Variants in OPA3 observed in about 807,000 individuals in gnomAD.
OPA3 encodes optic atrophy 3 protein.
A neutral mutation model predicts 4.0 loss-of-function variants in OPA3; 6 were observed. The observed-to-expected ratio is 1.51, with a 90% CI of 0.83 to 2.99. OPA3 has a LOEUF of 2.99. Ranked by LOEUF, OPA3 falls within the 30% of genes most tolerant of loss-of-function variation. The pLI is 0.00. For missense variants in OPA3, 235 were observed against 256.2 expected (o/e 0.92, Z 0.56); for synonymous variants, 105 against 117.1 (o/e 0.90, Z 0.67).
intron 1 of OPA3, among the ~76,000 whole-genome samples, chr19:45,576,187 T>C (rs188515230): frequency 6.6e-6 from 1 of 151,034 alleles, no homozygotes; most frequent in East Asian, 2.0e-4. Flanking sequence ...CATGCCACTG[T>C]AATCCAGCCT....
downstream of OPA3, among the ~76,000 whole-genome samples, chr19:45,542,665 G>GTTTT (rs59474391): frequency 1.4e-4 from 14 of 103,330 alleles, no homozygotes; most frequent in African/African-American, 1.9e-4. Context: ...CTGTTTTTTT[G>GTTTT]TTTTTTTTTT....
chr19:45,544,297 C>G (rs544765680), downstream of OPA3, among the ~76,000 whole-genome samples: 1 of 152,168 alleles, frequency 6.6e-6, no homozygotes, highest in Non-Finnish European at 1.5e-5. Context: ...ACAACCCCAA[C>G]GTTCAACAGA....
rs1305422353 is a variant in OPA3 at position 45,550,042 on chromosome 19, C to T, written c.*3472G>A. The T allele has an allele frequency of 2.3e-5, 11 of 479,116 alleles. No individual in the cohort carries two copies. Among genetic ancestry groups the T allele is most frequent in the Non-Finnish European group, 2.4e-5 (9 of 367,602 alleles). The allele number at this position is 479,116 out of a possible 1,614,324, so 29.7% of individuals were successfully genotyped here. ...CGTGGGTGGTGGGCACATGTAATCCCAGCTACTTCGGAAGCTGAGGCAGGA... is the reference window on the plus strand; with the variant it reads ...CGTGGGTGGTGGGCACATGTAATCCTAGCTACTTCGGAAGCTGAGGCAGGA... On this transcript the variant is annotated 3_prime_UTR_variant, in exon 2 of 2. Coordinates refer to ENST00000263275, the MANE Select transcript of OPA3 (RefSeq NM_025136.4).
intron 1 of OPA3, among the ~76,000 whole-genome samples, chr19:45,537,411 A>AAAAAAAAAAAAAACAAG (rs1568396412): frequency 7.4e-5 from 7 of 94,900 alleles, no homozygotes; most frequent in African/African-American, 2.8e-4. Context: ...AAAAAAAAAA[A>AAAAAAAAAAAAAACAAG]AAAAAAAAAA....
intron 1 of OPA3, among the ~76,000 whole-genome samples, chr19:45,539,052 G>A (rs1555731075): frequency 6.6e-6 from 1 of 152,122 alleles, no homozygotes; most frequent in Non-Finnish European, 1.5e-5. Context: ...GAAAGGGCAG[G>A]AAAAACTGCC....
In OPA3 at chr19:45,531,760, G is replaced by C. The variant is rs987493789; in HGVS notation, c.143-2304C>G. Among the ~76,000 whole-genome samples the C allele has an allele frequency of 6.6e-5, 10 of 152,298 alleles. No individual in the cohort carries two copies. In the East Asian group the frequency reaches 1.9e-3, roughly 29 times the overall value. On this transcript the variant is annotated intron_variant, in intron 1 of 1. Transcript: ENST00000323060. ...GTTTGGTGGCCTGGTTCCACGATGT[G>C]TAAAGGCAGAGGGGCTTGTTGTCAT... is the stretch of plus-strand genomic sequence containing the variant.
chr19:45,529,005 ACTT>A, exon 2 of OPA3: 1 of 1,562,112 alleles, frequency 6.4e-7, no homozygotes, highest in Non-Finnish European at 8.7e-7. Flanking sequence ...CAAGACAGAG[ACTT>A]CGCAGTCCAG....
chr19:45,561,932 G>A (rs57834987), intron 1 of OPA3, among the ~76,000 whole-genome samples: 4,771 of 150,570 alleles, frequency 0.032, 132 homozygotes, highest in East Asian at 0.11. Context: ...GCAACAGAGC[G>A]ACACTCCGTC....
chr19:45,574,268 G>GGCTTATAGCCTTCCTTTAAATACT (rs1969733626), intron 1 of OPA3, among the ~76,000 whole-genome samples: 1 of 151,922 alleles, frequency 6.6e-6, no homozygotes. Context: ...GGTGGCGGGC[G>GGCTTATAGCCTTCCTTTAAATACT]CCTGTAGTCC....
intron 1 of OPA3, chr19:45,584,246 G>A (rs1969898008): frequency 1.8e-5 from 13 of 731,936 alleles, no homozygotes; most frequent in Non-Finnish European, 2.0e-5. Context: ...GTTGCCCAAG[G>A]ACAGCCGGGC....
At chr19:45,535,762 CTTTTT>C (rs370775683) in intron 1 of OPA3, among the ~76,000 whole-genome samples, 3 of 122,946 alleles carry the variant, frequency 2.4e-5, no homozygotes, top group African/African-American at 9.4e-5. Flanking sequence ...TTTTTCTTTT[CTTTTT>C]TTTTTTTTTT....
chr19:45,575,602 A>C (rs1969754515), intron 1 of OPA3, among the ~76,000 whole-genome samples: 1 of 151,458 alleles, frequency 6.6e-6, no homozygotes, highest in Non-Finnish European at 1.5e-5. Context: ...GGCTTAAAAC[A>C]GCACAAATTA....
chr19:45,571,469 TGTGTACACAC>T (rs1969665878), intron 1 of OPA3, among the ~76,000 whole-genome samples: 14 of 152,160 alleles, frequency 9.2e-5, no homozygotes, highest in Admixed American at 9.2e-4. Flanking sequence ...ATTTTACATA[TGTGTACACAC>T]GTGCATACAT....
chr19:45,574,000 T>C (rs1340680743), intron 1 of OPA3, among the ~76,000 whole-genome samples: 2 of 151,148 alleles, frequency 1.3e-5, no homozygotes, highest in African/African-American at 4.9e-5. Context: ...CCGTCTCTAC[T>C]AAAAATACAA....
chr19:45,572,921 G>C (rs1969709980), intron 1 of OPA3, among the ~76,000 whole-genome samples: 1 of 150,652 alleles, frequency 6.6e-6, no homozygotes, highest in South Asian at 2.1e-4. Context: ...TGGGCAGAGA[G>C]AGCACAGGCA....
At chr19:45,530,510 GT>G (rs1319963449) in intron 1 of OPA3, among the ~76,000 whole-genome samples, 2 of 149,282 alleles carry the variant, frequency 1.3e-5, no homozygotes, top group African/African-American at 4.9e-5. Flanking sequence ...ATTTATGTAT[GT>G]ATGGTTTTTT....
chr19:45,575,008 T>A (rs1195613754), intron 1 of OPA3, among the ~76,000 whole-genome samples: 1 of 152,172 alleles, frequency 6.6e-6, no homozygotes, highest in African/African-American at 2.4e-5. Flanking sequence ...TGCACCTGGA[T>A]GAGAGCCTGC....
At chr19:45,530,579 A>G (rs1246687680) in intron 1 of OPA3, among the ~76,000 whole-genome samples, 2 of 151,718 alleles carry the variant, frequency 1.3e-5, no homozygotes, top group Non-Finnish European at 2.9e-5. Context: ...ACACTATCTC[A>G]GCTCACTGCA....
At chr19:45,572,404 T>TATA (rs1442271247) in intron 1 of OPA3, among the ~76,000 whole-genome samples, 2 of 131,246 alleles carry the variant, frequency 1.5e-5, no homozygotes, top group East Asian at 4.6e-4. Context: ...ACATATGAGA[T>TATA]TATCGATATA....
Sources: gnomAD v4.1 joint callset for allele counts (sites outside exome capture counted in the v4.1 genomes callset) on GRCh38, gnomAD v4.1.1 for gene constraint, MANE v1.5 for transcripts, NCBI Gene and HGNC (gene_info 2026-07-23, HGNC 2026-07-21) for gene names.